Variants in ATRN observed in about 807,000 individuals in gnomAD.
ATRN encodes attractin-2.
In ATRN, 54 loss-of-function variants were observed where a neutral mutation model predicts 178.7. The observed-to-expected ratio is 0.30, with a 90% CI of 0.24 to 0.38. ATRN has a LOEUF of 0.38. Ranked by LOEUF, ATRN falls within the 10% of genes least tolerant of loss-of-function variation. The pLI, the probability that ATRN is intolerant of heterozygous loss-of-function variation, is 1.00. For synonymous variants in ATRN, 636 were observed against 663.0 expected (o/e 0.96, Z 0.63); for missense variants, 1,443 against 1,815.1 (o/e 0.79, Z 3.73).
intron 25 of ATRN, among the ~76,000 whole-genome samples, chr20:3,628,064 C>A (rs1356486814): frequency 1.3e-5 from 2 of 152,140 alleles, no homozygotes; most frequent in Admixed American, 1.3e-4. Context: ...CCCAGCTACT[C>A]GGGAGGCTGA....
chr20:3,594,636 A>C, intron 20 of ATRN, 64 bp downstream of exon 20: 1 of 1,354,856 alleles, frequency 7.4e-7, no homozygotes, highest in Non-Finnish European at 1.0e-6. Flanking sequence ...CCTGAACCCC[A>C]CCCTGAGAGC....
In ATRN at chr20:3,590,243, A is replaced by G. The variant is rs893974833; in HGVS notation, c.3185-926A>G. Among the ~76,000 whole-genome samples the G allele has an allele frequency of 2.0e-5, 3 of 152,300 alleles. No homozygotes were observed. In the East Asian group the frequency reaches 5.8e-4, roughly 29 times the overall value. The stretch of plus-strand genomic sequence containing the variant: ...TGGGATTACAGGCATGAGCCACCAC[A>G]CCCAGCTGAGTTTTCTTTCAAACAC... On this transcript the variant is annotated intron_variant, in intron 18 of 28. Coordinates refer to ENST00000262919, the MANE Select transcript of ATRN (RefSeq NM_139321.3).
Position 3,570,843 on chromosome 20 carries a change from A to G in ATRN, c.1872-1888A>G, listed in dbSNP as rs531511143. On this transcript the variant is annotated intron_variant, in intron 11 of 28. Coordinates refer to ENST00000262919, the MANE Select transcript of ATRN (RefSeq NM_139321.3). ...GTTTTTAAATACGCACAATCTAAGC[A>G]CTAGTTGTATTCATTGCTCCTGGGT... is the stretch of plus-strand genomic sequence containing the variant. Among the ~76,000 whole-genome samples the G allele has an allele frequency of 2.4e-3, 370 of 152,330 alleles. 2 individuals are homozygous for G. The highest frequency in any genetic ancestry group is 4.2e-3 in the Non-Finnish European group (285 of 68,030).
intron 6 of ATRN, among the ~76,000 whole-genome samples, chr20:3,556,790 T>G (rs1387146504): frequency 6.6e-6 from 1 of 151,280 alleles, no homozygotes; most frequent in East Asian, 1.9e-4. Context: ...TTGTCTTATG[T>G]TTTTTTTTCT....
At chr20:3,490,032 G>A (rs1387619596) in intron 1 of ATRN, 4 of 1,030,692 alleles carry the variant, frequency 3.9e-6, no homozygotes, top group South Asian at 1.3e-5. Context: ...GAGAGTCAGA[G>A]TATTCATAGA....
intron 1 of ATRN, among the ~76,000 whole-genome samples, chr20:3,492,225 G>A (rs1005136750): frequency 6.7e-6 from 1 of 150,018 alleles, no homozygotes; most frequent in Non-Finnish European, 1.5e-5. Flanking sequence ...TGGGCAGGGA[G>A]GGGAATATGG....
intron 25 of ATRN, among the ~76,000 whole-genome samples, chr20:3,624,911 TG>T (rs2086925028): frequency 6.6e-6 from 1 of 152,242 alleles, no homozygotes; most frequent in Non-Finnish European, 1.5e-5. Flanking sequence ...TGGTTACTGA[TG>T]TGAGCTACAC....
At chr20:3,504,695 A>G (rs2085015114) in intron 1 of ATRN, among the ~76,000 whole-genome samples, 1 of 37,612 alleles carries the variant, frequency 2.7e-5, no homozygotes, top group East Asian at 4.7e-4. Flanking sequence ...TAAGATAATA[A>G]TAATAATAAT....
chr20:3,604,513 A>G (rs2086653751), intron 24 of ATRN, among the ~76,000 whole-genome samples: 1 of 152,266 alleles, frequency 6.6e-6, no homozygotes, highest in Non-Finnish European at 1.5e-5. Flanking sequence ...AGATTTGGTC[A>G]TTATAAACGT....
intron 1 of ATRN, among the ~76,000 whole-genome samples, chr20:3,477,759 G>C (rs2084549321): frequency 6.6e-6 from 1 of 152,218 alleles, no homozygotes; most frequent in Admixed American, 6.5e-5. Flanking sequence ...AATATCTGTT[G>C]AATGAAGGAA....
chr20:3,537,598 G>T (rs2085555973), intron 2 of ATRN, among the ~76,000 whole-genome samples: 1 of 150,646 alleles, frequency 6.6e-6, no homozygotes, highest in African/African-American at 2.4e-5. Flanking sequence ...TGCCATGTTG[G>T]TGTGCTGCAC....
chr20:3,542,470 A>G (rs1400831694), intron 3 of ATRN, among the ~76,000 whole-genome samples: 2 of 134,686 alleles, frequency 1.5e-5, no homozygotes, highest in Non-Finnish European at 3.2e-5. Flanking sequence ...TATTCCTTTT[A>G]GAGTTTTTTT....
At chr20:3,637,594 A>T (rs1026872961) in intron 26 of ATRN, among the ~76,000 whole-genome samples, 7 of 152,178 alleles carry the variant, frequency 4.6e-5, no homozygotes, top group Non-Finnish European at 7.3e-5. Flanking sequence ...CTTGTATCCC[A>T]AGGCATAACC....
chr20:3,479,011 C>T (rs572231433), intron 1 of ATRN, among the ~76,000 whole-genome samples: 1 of 151,378 alleles, frequency 6.6e-6, no homozygotes, highest in Non-Finnish European at 1.5e-5. Context: ...ATCCTGCCAC[C>T]TCAGCCTCCC....
chr20:3,580,998 T>C (rs2146256643), intron 15 of ATRN, among the ~76,000 whole-genome samples: 1 of 152,342 alleles, frequency 6.6e-6, no homozygotes, highest in South Asian at 2.1e-4. Flanking sequence ...TCCCAGCATT[T>C]TGGGAGGCCA....
intron 1 of ATRN, among the ~76,000 whole-genome samples, chr20:3,504,724 A>AAT (rs1485109496): frequency 8.0e-6 from 1 of 124,784 alleles, no homozygotes; most frequent in African/African-American, 3.2e-5. Context: ...TAATAATAAT[A>AAT]ATAATAATAA....
At position 3,578,615 on chromosome 20, in the gene ATRN, G is replaced by A. The variant is rs1284638631; in HGVS notation, c.2387G>A (p.Gly796Glu). Residue 796 changes from glycine to glutamate, a missense_variant, in exon 15 of 29, where the codon GGA becomes GAA. Gly to Glu is a moderately conservative substitution (Grantham distance 98). Coordinates refer to ENST00000262919, the MANE Select transcript of ATRN (RefSeq NM_139321.3). ...NICGIGWHLV[G>E]NSCLKITTAK... Reference sequence around the variant, plus strand: ...TGTGGCATTGGCTGGCATTTGGTTGGAAACTCATGTTTGAAAATTACTACT... The same window carrying A: ...TGTGGCATTGGCTGGCATTTGGTTGAAAACTCATGTTTGAAAATTACTACT... 1 of 1,611,284 alleles carries A rather than the reference G, an allele frequency of 6.2e-7. No individual in the cohort carries two copies. Among genetic ancestry groups the A allele is most frequent in the African/African-American group, 1.3e-5 (1 of 74,990 alleles).
intron 18 of ATRN, among the ~76,000 whole-genome samples, chr20:3,587,001 A>G (rs2086367156): frequency 6.6e-6 from 1 of 152,224 alleles, no homozygotes; most frequent in African/African-American, 2.4e-5. Context: ...GAAATTGAAC[A>G]TCAACTTCAT....
chr20:3,487,271 T>C (rs921103587), intron 1 of ATRN, among the ~76,000 whole-genome samples: 4 of 152,174 alleles, frequency 2.6e-5, no homozygotes, highest in African/African-American at 9.7e-5. Flanking sequence ...AGTCTTCTTG[T>C]TGCCCAGGCT....
Sources: allele counts gnomAD v4.1 joint callset (sites outside exome capture counted in the v4.1 genomes callset), GRCh38; gene constraint gnomAD v4.1.1; transcripts MANE v1.5; gene names NCBI Gene and HGNC (gene_info 2026-07-23, HGNC 2026-07-21).